SP110: variants seen among roughly 807,000 people sequenced by gnomAD.
SP110 encodes the protein interferon-induced protein 41, 30kD.
In SP110, 62 loss-of-function variants were observed where a neutral mutation model predicts 92.7. The observed-to-expected ratio is 0.67, with a 90% confidence interval of 0.55 to 0.83. The LOEUF is 0.83. SP110 is among the 40% of genes least tolerant of loss of function. SP110 has a pLI of 0.00. For missense variants in SP110, 793 were observed against 863.9 expected, an observed-to-expected ratio of 0.92 and a Z score of 1.03; for synonymous variants, 273 against 305.3, an observed-to-expected ratio of 0.89 and a Z score of 1.10.
chr2:230,200,864 C>A (rs1215556970), intron 10 of SP110, 21 bp downstream of exon 10: 1 of 1,563,138 alleles, frequency 6.4e-7, no homozygotes, highest in Admixed American at 1.7e-5. Flanking sequence ...TACTCTGAGA[C>A]CAGCAATCTC....
chr2:230,168,123 A>AAAG lies in SP110; in HGVS notation c.*1000_*1001insCTT, dbSNP rs1184087670. ...GACTCTGTCTCAAAAAAAAAAAAAAAAAAAAAAAAAGAAAAAGTGGGCAAC... is the reference window on the plus strand; with the variant it reads ...GACTCTGTCTCAAAAAAAAAAAAAAAAAGAAAAAAAAAAGAAAAAGTGGGCAAC... On this transcript the variant is annotated 3_prime_UTR_variant, in exon 19 of 19. Transcript: ENST00000258381. 1 of 147,992 alleles carries AAAG rather than the reference A, an allele frequency of 6.8e-6. No homozygotes were observed. The highest frequency in any genetic ancestry group is 1.5e-5 in the Non-Finnish European group (1 of 67,908). The allele number at this position is 147,992 out of a possible 1,614,324, so 9.2% of individuals were successfully genotyped here. A position where few individuals can be genotyped will look rare whatever the true frequency, so the allele number is the denominator to read the frequency against.
At chr2:230,177,937 C>A (rs1028143615) in intron 13 of SP110, among the ~76,000 whole-genome samples, 1 of 152,182 alleles carries the variant, frequency 6.6e-6, no homozygotes, top group South Asian at 2.1e-4. Flanking sequence ...GCTGTCAGTA[C>A]AGCAGGGCCC....
intron 2 of SP110, 62 bp from the exon 3 acceptor site, chr2:230,215,180 T>A (rs1207769128): frequency 7.4e-7 from 1 of 1,359,590 alleles, no homozygotes; most frequent in Non-Finnish European, 1.0e-6. Context: ...AGTTATACAT[T>A]TATGGTTTTC....
In SP110 at chr2:230,194,099, T is replaced by C. The variant is rs184497206; in HGVS notation, c.1129+6786A>G. ...AAGCAGGCAGATATGACTTTCCTTC[T>C]AGGCCAAACCCCAAGATTGAGGCAT... On this transcript the variant is annotated intron_variant, in intron 10 of 18. Coordinates refer to ENST00000258381, the MANE Select transcript of SP110 (RefSeq NM_080424.4). Among the ~76,000 whole-genome samples the C allele has an allele frequency of 2.0e-3, 301 of 152,196 alleles. 1 individual carries two copies. Among genetic ancestry groups the C allele is most frequent in the Admixed American group, 3.8e-3 (58 of 15,282 alleles).
intron 2 of SP110, 151 bp from the exon 3 acceptor site, chr2:230,215,269 C>T (rs2044984359): frequency 7.5e-6 from 5 of 670,150 alleles, no homozygotes; most frequent in South Asian, 3.8e-5. Context: ...TAAGGTAGAG[C>T]GGTCACAGTT....
At chr2:230,203,104 C>T (rs2043346965) in intron 8 of SP110, 1 of 308,920 alleles carries the variant, frequency 3.2e-6, no homozygotes, top group Non-Finnish European at 6.2e-6. Context: ...GGTTCCCCCA[C>T]GGCCTGTGTG....
At chr2:230,191,820 G>C (rs2098968) in intron 10 of SP110, among the ~76,000 whole-genome samples, 34,038 of 151,874 alleles carry the variant, frequency 0.22, 4,652 homozygotes, top group East Asian at 0.57. Context: ...ACTGGGAAGA[G>C]ACACAACAAA....
rs201182994 is a variant in SP110, at chr2:230,200,868, C to T, written c.1129+17G>A. On this transcript the variant is annotated intron_variant, in intron 10 of 18. Transcript: ENST00000258381. ...CCTGGTGACTGTACTCTGAGACCAG[C>T]AATCTCCAAGTTTTACCTTGTGTGA... 3 of 1,572,874 alleles carry T rather than the reference C, an allele frequency of 1.9e-6. No individual in the cohort carries two copies. In the African/African-American group the frequency reaches 4.0e-5, roughly 21 times the overall value.
chr2:230,225,055 C>T (rs937132702), intron 1 of SP110, among the ~76,000 whole-genome samples: 3 of 152,232 alleles, frequency 2.0e-5, no homozygotes, highest in East Asian at 3.9e-4. Context: ...TCATATTGTC[C>T]TTGAAGGTCT....
chr2:230,197,879 T>C (rs997024607), intron 10 of SP110, among the ~76,000 whole-genome samples: 3 of 152,184 alleles, frequency 2.0e-5, no homozygotes, highest in Admixed American at 1.3e-4. Context: ...TTCAAACTCC[T>C]GGGCTCAAGC....
intron 12 of SP110, among the ~76,000 whole-genome samples, chr2:230,178,555 T>C (rs908050950): frequency 2.0e-5 from 3 of 152,192 alleles, no homozygotes; most frequent in Non-Finnish European, 4.4e-5. Context: ...TAGTCTTCTA[T>C]TCTATAAGCA....
At chr2:230,223,354 A>T (rs1165626977), upstream of SP110, among the ~76,000 whole-genome samples, 1 of 152,152 alleles carries the variant, frequency 6.6e-6, no homozygotes, top group Admixed American at 6.5e-5. Context: ...ATTCTATGGG[A>T]TGTCCAGGTG....
upstream of SP110, among the ~76,000 whole-genome samples, chr2:230,224,217 A>C (rs1574840008): frequency 6.6e-6 from 1 of 152,200 alleles, no homozygotes; most frequent in African/African-American, 2.4e-5. Context: ...TTGTGCTTAT[A>C]AGCAAAAGAA....
chr2:230,202,765 G>T, intron 8 of SP110, 37 bp from the exon 9 acceptor site: 3 of 1,611,328 alleles, frequency 1.9e-6, no homozygotes, highest in Middle Eastern at 1.7e-4. Flanking sequence ...GTTTAAATTG[G>T]GGTCTTCAGT....
Position 230,165,553 on chromosome 2 carries a change from TGAATA to T in SP110, c.*3566_*3570del, listed in dbSNP as rs557685552. Among the ~76,000 whole-genome samples, 65 of 152,238 alleles carry T rather than the reference TGAATA, an allele frequency of 4.3e-4. No individual in the cohort carries two copies. In the East Asian group the frequency reaches 0.012, roughly 28 times the overall value. On this transcript the variant is annotated 3_prime_UTR_variant, in exon 19 of 19. Coordinates refer to ENST00000258381, the MANE Select transcript of SP110 (RefSeq NM_080424.4). Reference sequence around the variant, plus strand: ...CTAACAAATAATGACATAATATAATTGAATAGAATAAACATTATAGAGTAAAAGCA... The same window carrying T: ...CTAACAAATAATGACATAATATAATTGAATAAACATTATAGAGTAAAAGCA...
chr2:230,225,559 A>C (rs2046216221), exon 1 of SP110: 1 of 496,920 alleles, frequency 2.0e-6, no homozygotes, highest in African/African-American at 1.9e-5. Flanking sequence ...GATCTGCTTG[A>C]GTTGAATGAC....
chr2:230,205,604 A>G (rs2043687717), intron 8 of SP110, among the ~76,000 whole-genome samples: 1 of 152,222 alleles, frequency 6.6e-6, no homozygotes, highest in South Asian at 2.1e-4. Context: ...TCTTTAAAAA[A>G]AAAATCTGTC....
In SP110 at chr2:230,212,407, T is replaced by C; in HGVS notation, c.607A>G (p.Lys203Glu). 1 of 1,612,530 alleles carries C rather than the reference T, an allele frequency of 6.2e-7. No individual in the cohort carries two copies. The highest frequency in any genetic ancestry group is 8.5e-7 in the Non-Finnish European group (1 of 1,178,492). Residue 203 changes from lysine to glutamate, a missense_variant, in exon 5 of 19, where the codon AAA becomes GAA. By Grantham distance (56) the Lys-to-Glu change is moderately conservative (BLOSUM62 1). Transcript: ENST00000258381. The part of the protein sequence containing the change: ...TSVTNDKLTS[K>E]MNAEEDSEEM... ...TCTGAGTCTTCTTCCGCATTCATTT[T>C]GGATGTTAACTTGTCATTGGTCACT...
intron 3 of SP110, chr2:230,213,638 C>T (rs925983203): frequency 6.6e-6 from 1 of 152,630 alleles, no homozygotes; most frequent in Non-Finnish European, 1.5e-5. Context: ...AGATTCTTCT[C>T]CATCATTTAT....
Sources: gnomAD v4.1 joint callset for allele counts (sites outside exome capture counted in the v4.1 genomes callset) on GRCh38, gnomAD v4.1.1 for gene constraint, MANE v1.5 for transcripts, NCBI Gene and HGNC (gene_info 2026-07-23, HGNC 2026-07-21) for gene names.